MGAT4C: variants seen among roughly 807,000 people sequenced by gnomAD.
The protein encoded by MGAT4C is alpha-1,3-mannosyl-glycoprotein 4-beta-N-acetylglucosaminyltransferase C.
MGAT4C carries 19 observed loss-of-function variants against 40.1 expected under a neutral mutation model. That is an observed-to-expected ratio of 0.47 (90% confidence interval 0.33 to 0.70). The LOEUF (loss-of-function observed/expected upper bound fraction) is 0.70. Among genes scored for constraint, MGAT4C ranks in the 30% least tolerant of loss-of-function variants. MGAT4C has a pLI of 0.02. For synonymous variants in MGAT4C, 181 were observed against 187.1 expected (o/e 0.97, Z 0.27); for missense variants, 491 against 563.2 (o/e 0.87, Z 1.30).
chr12:85,986,272 T>C (rs146892617), intron 3 of MGAT4C, among the ~76,000 whole-genome samples: 119 of 152,330 alleles, frequency 7.8e-4, no homozygotes, highest in African/African-American at 2.7e-3. Flanking sequence ...TATTTCTCAG[T>C]AATAAGACAA....
At chr12:86,107,433 C>A (rs149401925) in intron 1 of MGAT4C, among the ~76,000 whole-genome samples, 1 of 151,884 alleles carries the variant, frequency 6.6e-6, no homozygotes, top group Non-Finnish European at 1.5e-5. Context: ...CTTAAAACTA[C>A]AGAATAAGGG....
At chr12:86,416,988 T>A (rs541556041) in intron 3 of MGAT4C, among the ~76,000 whole-genome samples, 5 of 152,168 alleles carry the variant, frequency 3.3e-5, no homozygotes, top group South Asian at 2.1e-4. Context: ...GATTTCAGAC[T>A]TTTTTTGCCT....
chr12:86,257,253 G>A (rs1390304895), upstream of MGAT4C, among the ~76,000 whole-genome samples: 1 of 152,168 alleles, frequency 6.6e-6, no homozygotes, highest in Non-Finnish European at 1.5e-5. Context: ...AGTGGGAGAG[G>A]AGGATAATGG....
At chr12:86,665,058 C>G (rs919606441) in intron 2 of MGAT4C, among the ~76,000 whole-genome samples, 1 of 151,992 alleles carries the variant, frequency 6.6e-6, no homozygotes, top group African/African-American at 2.4e-5. Context: ...CCCCTCCCCC[C>G]ACCACCTTGT....
chr12:86,681,314 A>G (rs1949976889), intron 2 of MGAT4C, among the ~76,000 whole-genome samples: 1 of 152,020 alleles, frequency 6.6e-6, no homozygotes, highest in Non-Finnish European at 1.5e-5. Flanking sequence ...CTTTATTTAA[A>G]GGAGGCTGGT....
chr12:86,207,854 T>C (rs1950317039), intron 1 of MGAT4C, among the ~76,000 whole-genome samples: 1 of 152,192 alleles, frequency 6.6e-6, no homozygotes, highest in Non-Finnish European at 1.5e-5. Context: ...GAAAATATTT[T>C]AAAATAATAT....
intron 2 of MGAT4C, among the ~76,000 whole-genome samples, chr12:86,600,608 A>C (rs181200400): frequency 1.3e-5 from 2 of 152,324 alleles, no homozygotes; most frequent in East Asian, 3.9e-4. Context: ...CCATCTAAAG[A>C]AGCATTTTCA....
intron 2 of MGAT4C, among the ~76,000 whole-genome samples, chr12:86,602,411 C>A (rs1961818303): frequency 6.6e-6 from 1 of 152,168 alleles, no homozygotes; most frequent in Non-Finnish European, 1.5e-5. Flanking sequence ...ATGTGGGCTG[C>A]ACATTTTGAG....
chr12:86,785,364 G>T (rs1187346744), intron 1 of MGAT4C, among the ~76,000 whole-genome samples: 1 of 151,866 alleles, frequency 6.6e-6, no homozygotes, highest in Admixed American at 6.6e-5. Context: ...AGTAAAACAT[G>T]AAAAATATTA....
intron 2 of MGAT4C, among the ~76,000 whole-genome samples, chr12:86,583,798 A>T (rs1377661143): frequency 6.6e-6 from 1 of 151,210 alleles, no homozygotes; most frequent in Non-Finnish European, 1.5e-5. Context: ...ACTGTCCTTC[A>T]GTGTGGGAAA....
rs955129407 is a variant in MGAT4C, at chr12:86,428,465, G to A, written c.-120+6692C>T. 5.3e-5 allele frequency among the ~76,000 whole-genome samples: 8 copies of A among 152,188 alleles called. No homozygotes were observed. The East Asian group carries it at 7.7e-4, about 15-fold the overall frequency. The stretch of plus-strand genomic sequence containing the variant: ...GGCTAATTTTTGTATTGCCTGCCTC[G>A]GCCTCTAAAAGTGGTGGGATCACAG... On this transcript the variant is annotated intron_variant, in intron 3 of 7. Coordinates refer to the MGAT4C transcript ENST00000548651.
At chr12:86,359,649 A>G (rs1459016571) in intron 3 of MGAT4C, among the ~76,000 whole-genome samples, 1 of 152,234 alleles carries the variant, frequency 6.6e-6, no homozygotes, top group African/African-American at 2.4e-5. Context: ...TAAAGGGGAT[A>G]TCACCAACAA....
chr12:86,345,732 A>G (rs762720581), intron 3 of MGAT4C, among the ~76,000 whole-genome samples: 1 of 152,160 alleles, frequency 6.6e-6, no homozygotes, highest in Non-Finnish European at 1.5e-5. Flanking sequence ...ATGTGCCTTT[A>G]TAACAGCATG....
chr12:86,568,759 T>C (rs1440540757), intron 2 of MGAT4C, among the ~76,000 whole-genome samples: 1 of 151,798 alleles, frequency 6.6e-6, no homozygotes, highest in Non-Finnish European at 1.5e-5. Context: ...CATAGAGAAC[T>C]TGGAAATAAA....
chr12:86,325,011 T>G (rs907550092), intron 4 of MGAT4C, among the ~76,000 whole-genome samples: 5 of 152,142 alleles, frequency 3.3e-5, no homozygotes, highest in African/African-American at 1.2e-4. Context: ...TAAATGTCAA[T>G]TTTTTGACCT....
intron 3 of MGAT4C, among the ~76,000 whole-genome samples, chr12:86,383,465 T>C (rs1032847897): frequency 3.5e-5 from 5 of 142,962 alleles, no homozygotes; most frequent in African/African-American, 1.3e-4. Flanking sequence ...GGCAGGAGAA[T>C]CGCTTGAACC....
intron 1 of MGAT4C, among the ~76,000 whole-genome samples, chr12:86,832,424 A>T (rs938628249): frequency 6.6e-5 from 10 of 151,784 alleles, no homozygotes; most frequent in African/African-American, 2.4e-4. Flanking sequence ...GTATTTATCC[A>T]TACTCATTCA....
intron 1 of MGAT4C, among the ~76,000 whole-genome samples, chr12:86,779,778 T>G (rs1254933217): frequency 2.0e-5 from 3 of 151,958 alleles, no homozygotes; most frequent in Non-Finnish European, 2.9e-5. Flanking sequence ...CCGGGCGTGG[T>G]GGCGGGCGCC....
chr12:86,222,923 C>G (rs1284171765), intron 1 of MGAT4C, among the ~76,000 whole-genome samples: 1 of 152,216 alleles, frequency 6.6e-6, no homozygotes, highest in Non-Finnish European at 1.5e-5. Flanking sequence ...CACAACTCCA[C>G]ACTCCTGCTA....
Sources: gnomAD v4.1 joint callset for allele counts (sites outside exome capture counted in the v4.1 genomes callset) on GRCh38, gnomAD v4.1.1 for gene constraint, MANE v1.5 for transcripts, NCBI Gene and HGNC (gene_info 2026-07-23, HGNC 2026-07-21) for gene names.